MBP: variants seen among roughly 807,000 people sequenced by gnomAD.
MBP encodes myelin basic protein.
A neutral mutation model predicts 35.8 loss-of-function variants in MBP; 16 were observed. The observed-to-expected ratio is 0.45, with a 90% confidence interval of 0.30 to 0.68. MBP has a LOEUF of 0.68. MBP is among the 30% of genes least tolerant of loss of function. The probability of loss-of-function intolerance (pLI) is 0.08; values close to 1 mark genes in which losing one functional copy is unlikely to be tolerated. For synonymous variants in MBP, 143 were observed against 159.6 expected, an observed-to-expected ratio of 0.90 and a Z score of 0.78; for missense variants, 380 against 404.7, an observed-to-expected ratio of 0.94 and a Z score of 0.52.
At chr18:77,068,413 G>A (rs144086295) in intron 2 of MBP, among the ~76,000 whole-genome samples, 82 of 143,698 alleles carry the variant, frequency 5.7e-4, no homozygotes, top group Non-Finnish European at 9.2e-4. Flanking sequence ...AGGAAGTCCC[G>A]TCTGCTTTAA....
intron 1 of MBP, among the ~76,000 whole-genome samples, chr18:77,111,049 C>G (rs1976434241): frequency 6.6e-6 from 1 of 152,170 alleles, no homozygotes; most frequent in South Asian, 2.1e-4. Context: ...GTGGCTGCTC[C>G]AGTCCTGTGC....
intron 2 of MBP, among the ~76,000 whole-genome samples, chr18:77,078,805 G>A (rs1375722581): frequency 6.6e-6 from 1 of 152,222 alleles, no homozygotes; most frequent in Admixed American, 6.5e-5. Context: ...CCTGGGGTCG[G>A]GTGGACTCCA....
intron 4 of MBP, among the ~76,000 whole-genome samples, chr18:77,007,587 G>A (rs1259376447): frequency 6.6e-6 from 1 of 152,156 alleles, no homozygotes; most frequent in African/African-American, 2.4e-5. Flanking sequence ...TTCAACTTAC[G>A]CTTATCTTCA....
chr18:77,105,793 A>C (rs1364463919), intron 1 of MBP, among the ~76,000 whole-genome samples: 1 of 152,262 alleles, frequency 6.6e-6, no homozygotes, highest in African/African-American at 2.4e-5. Context: ...CATTAGACCA[A>C]GGACAGCTTA....
At chr18:77,026,287 C>A (rs915592290) in intron 3 of MBP, among the ~76,000 whole-genome samples, 1 of 152,246 alleles carries the variant, frequency 6.6e-6, no homozygotes, top group African/African-American at 2.4e-5. Flanking sequence ...GGATGAGGCT[C>A]GCTGGTGATA....
In MBP at chr18:77,084,312, C is replaced by T. The variant is rs934634331; in HGVS notation, c.52-17927G>A. On this transcript the variant is annotated intron_variant, in intron 2 of 8. Transcript: ENST00000355994. The stretch of plus-strand genomic sequence containing the variant: ...TGAAAAATGAAGCCAGGGAAGGCCA[C>T]GAAGGGAGGATTTTCATGCATAAAT... Among the ~76,000 whole-genome samples, 7 of 151,800 alleles carry T rather than the reference C, an allele frequency of 4.6e-5. No individual in the cohort carries two copies. The South Asian group carries it at 8.3e-4, about 18-fold the overall frequency.
At chr18:76,996,620 A>G (rs960314832) in intron 4 of MBP, among the ~76,000 whole-genome samples, 1 of 152,178 alleles carries the variant, frequency 6.6e-6, no homozygotes, top group Non-Finnish European at 1.5e-5. Flanking sequence ...CCGCCATTCT[A>G]AAAGGTTTCA....
At chr18:76,984,930 G>C in intron 7 of MBP, 36 bp from the exon 8 acceptor site, 1 of 1,608,790 alleles carries the variant, frequency 6.2e-7, no homozygotes, top group Admixed American at 1.7e-5. Context: ...ACCTCCACCC[G>C]CGGTGCTGGG....
intron 3 of MBP, among the ~76,000 whole-genome samples, chr18:77,043,553 G>A (rs1027311296): frequency 6.6e-6 from 1 of 150,946 alleles, no homozygotes; most frequent in Admixed American, 6.6e-5. Flanking sequence ...TGGTGACCCT[G>A]CCCTTCTCCT....
intron 4 of MBP, chr18:77,014,425 G>C (rs1971513517): frequency 1.0e-6 from 1 of 985,406 alleles, no homozygotes; most frequent in Non-Finnish European, 1.2e-6. Context: ...GGGAGAAGCA[G>C]AACTGTGTGT....
intron 1 of MBP, among the ~76,000 whole-genome samples, chr18:77,106,328 A>T (rs967195532): frequency 6.6e-6 from 1 of 152,148 alleles, no homozygotes; most frequent in African/African-American, 2.4e-5. Flanking sequence ...TCCATCTCCC[A>T]TGTTACCGGG....
At position 77,131,944 on chromosome 18, in the gene MBP, G is replaced by C. The variant is rs1028561019; in HGVS notation, c.-26+636C>G. 6.6e-6 allele frequency among the ~76,000 whole-genome samples: 1 copy of C among 152,096 alleles called. No individual in the cohort carries two copies. Among genetic ancestry groups the C allele is most frequent in the Non-Finnish European group, 1.5e-5 (1 of 67,976 alleles). ...CCTGCGAAGGCGGAAGCCCGGACCC[G>C]GGCTCTCCTGGCCGCCCCTGGAGCT... On this transcript the variant is annotated intron_variant, in intron 1 of 8. Coordinates refer to ENST00000355994, the MANE Select transcript of MBP (RefSeq NM_001025101.2). This position sits in a 1 kb window ranked among gnomAD's most constrained non-coding sequence, Gnocchi z 5.5.
chr18:77,058,766 T>C (rs567895112), intron 3 of MBP, among the ~76,000 whole-genome samples: 37 of 152,342 alleles, frequency 2.4e-4, no homozygotes, highest in African/African-American at 8.4e-4. Context: ...CTGGAGGCCC[T>C]GGAGATGGGG....
chr18:77,010,142 G>C, intron 4 of MBP: 2 of 585,234 alleles, frequency 3.4e-6, no homozygotes, highest in East Asian at 5.7e-5. Flanking sequence ...TGGGAGGTCA[G>C]AGGGCAGGCA....
chr18:77,068,627 T>C (rs1215918612), intron 2 of MBP, among the ~76,000 whole-genome samples: 1 of 152,330 alleles, frequency 6.6e-6, no homozygotes, highest in Non-Finnish European at 1.5e-5. Context: ...TGTAACTTTG[T>C]GTACACCTGC....
intron 3 of MBP, among the ~76,000 whole-genome samples, chr18:77,037,502 C>T (rs1452512202): frequency 6.6e-6 from 1 of 152,200 alleles, no homozygotes; most frequent in African/African-American, 2.4e-5. Context: ...TCAGCATTGC[C>T]AGCAGCTCTC....
At chr18:77,093,727 T>C (rs1223093750) in intron 2 of MBP, among the ~76,000 whole-genome samples, 4 of 152,226 alleles carry the variant, frequency 2.6e-5, no homozygotes, top group South Asian at 4.1e-4. Context: ...AAATTCTGCA[T>C]GTCAAACACA....
chr18:77,114,632 C>G (rs1180871036), intron 1 of MBP: 4 of 152,270 alleles, frequency 2.6e-5, no homozygotes, highest in Non-Finnish European at 5.9e-5. Context: ...TCCTGACAAG[C>G]CATGCCAACA....
intron 3 of MBP, among the ~76,000 whole-genome samples, chr18:77,049,106 A>G (rs1052957020): frequency 1.3e-5 from 2 of 151,804 alleles, no homozygotes; most frequent in Non-Finnish European, 2.9e-5. Context: ...TTTTTAGTAG[A>G]GACGAGGTTT....
Sources: allele counts gnomAD v4.1 joint callset (sites outside exome capture counted in the v4.1 genomes callset), GRCh38; gene constraint gnomAD v4.1.1; non-coding constraint Gnocchi (gnomAD v3.1); transcripts MANE v1.5; gene names NCBI Gene and HGNC (gene_info 2026-07-23, HGNC 2026-07-21).